RBPJ: variants seen among roughly 807,000 people sequenced by gnomAD.
RBPJ encodes the protein recombining binding protein suppressor of hairless.
A neutral mutation model predicts 67.8 loss-of-function variants in RBPJ; 9 were observed. The ratio of observed to expected loss-of-function variants is 0.13; its 90% CI spans 0.08 to 0.23. The LOEUF is 0.23. Ranked by LOEUF, RBPJ falls within the 10% of genes least tolerant of loss-of-function variation. The pLI, the probability that RBPJ is intolerant of heterozygous loss-of-function variation, is 1.00. For synonymous variants in RBPJ, 198 were observed against 203.3 expected (o/e 0.97, Z 0.22); for missense variants, 305 against 595.6 (o/e 0.51, Z 5.08).
chr4:26,423,371 AT>A (rs1303630517), intron 5 of RBPJ, among the ~76,000 whole-genome samples: 1 of 152,176 alleles, frequency 6.6e-6, no homozygotes, highest in Admixed American at 6.6e-5. Flanking sequence ...GTTTAGGAGG[AT>A]TCTTACTATA....
chr4:26,152,773 G>A, the RBPJ span, among the ~76,000 whole-genome samples: 3 of 152,200 alleles, frequency 2.0e-5, no homozygotes, highest in Non-Finnish European at 4.4e-5. Context: ...AGCTTGAGAA[G>A]TTGAAAAGAG....
the RBPJ span, among the ~76,000 whole-genome samples, chr4:26,114,543 T>G: frequency 0.097 from 13,948 of 144,386 alleles, 871 homozygotes; most frequent in Middle Eastern, 0.18. Flanking sequence ...GTAGACCTTA[T>G]GAGTATGCTA....
intron 1 of RBPJ, among the ~76,000 whole-genome samples, chr4:26,279,522 C>T (rs1420344254): frequency 2.0e-5 from 3 of 152,130 alleles, no homozygotes; most frequent in East Asian, 1.9e-4. Context: ...GTGATCCACC[C>T]GCCTCGGCCT....
chr4:26,208,737 C>A (rs568896552), intron 1 of RBPJ, among the ~76,000 whole-genome samples: 17 of 152,236 alleles, frequency 1.1e-4, no homozygotes, highest in South Asian at 2.1e-4. Flanking sequence ...TGAGCCTTCA[C>A]AAGACAATAT....
intron 1 of RBPJ, among the ~76,000 whole-genome samples, chr4:26,172,491 A>G (rs950419621): frequency 3.3e-5 from 5 of 152,186 alleles, no homozygotes; most frequent in African/African-American, 1.2e-4. Context: ...CCTGGGAATA[A>G]CTGTCATTTC....
intron 1 of RBPJ, among the ~76,000 whole-genome samples, chr4:26,273,317 C>T (rs181386074): frequency 2.0e-5 from 3 of 152,278 alleles, no homozygotes; most frequent in African/African-American, 4.8e-5. Flanking sequence ...AGGAAAATGG[C>T]ATTTAGGTTT....
intron 1 of RBPJ, among the ~76,000 whole-genome samples, chr4:26,314,587 T>C (rs1039149196): frequency 3.9e-5 from 6 of 152,214 alleles, no homozygotes; most frequent in Admixed American, 3.9e-4. Context: ...TTTAAAAGTA[T>C]GTGGCACCTC....
intron 1 of RBPJ, among the ~76,000 whole-genome samples, chr4:26,280,742 TA>T (rs922948604): frequency 4.3e-4 from 66 of 152,080 alleles, no homozygotes; most frequent in Non-Finnish European, 6.3e-4. Flanking sequence ...TACCACAACA[TA>T]AAAAAAATTT....
chr4:26,140,602 G>A, the RBPJ span, among the ~76,000 whole-genome samples: 3 of 151,012 alleles, frequency 2.0e-5, no homozygotes, highest in Non-Finnish European at 4.4e-5. Context: ...TACTGCCCTG[G>A]AAGCTCAAGC....
chr4:26,198,049 G>C (rs112045216), intron 1 of RBPJ, among the ~76,000 whole-genome samples: 24,713 of 152,098 alleles, frequency 0.16, 2,259 homozygotes, highest in Middle Eastern at 0.26. Flanking sequence ...CCTGAGGTCA[G>C]GAGTTCGAGA....
intron 1 of RBPJ, among the ~76,000 whole-genome samples, chr4:26,342,372 C>G (rs992665995): frequency 2.0e-5 from 3 of 151,558 alleles, no homozygotes; most frequent in African/African-American, 7.3e-5. Context: ...TCTTGTTTTA[C>G]AGAAACTTAA....
upstream of RBPJ, among the ~76,000 whole-genome samples, chr4:26,160,931 T>C (rs979236283): frequency 1.3e-5 from 2 of 152,192 alleles, no homozygotes; most frequent in Non-Finnish European, 2.9e-5. Flanking sequence ...TCTCCCACCA[T>C]GTTACATCAG....
At chr4:26,354,669 T>C (rs1727174529) in intron 1 of RBPJ, among the ~76,000 whole-genome samples, 2 of 152,084 alleles carry the variant, frequency 1.3e-5, no homozygotes. Context: ...AGGCTGGTCA[T>C]GAACTCCTGA....
intron 1 of RBPJ, among the ~76,000 whole-genome samples, chr4:26,353,854 T>C (rs112710541): frequency 0.019 from 2,944 of 152,038 alleles, 104 homozygotes; most frequent in African/African-American, 0.067. Context: ...TCAGGTGATC[T>C]GCCTGCCTTG....
At chr4:26,192,234 C>A (rs1028395196) in intron 1 of RBPJ, among the ~76,000 whole-genome samples, 3 of 152,150 alleles carry the variant, frequency 2.0e-5, no homozygotes, top group African/African-American at 7.2e-5. Context: ...GTCTTGAACT[C>A]CTGACCAAGT....
chr4:26,169,570 C>T (rs1716477341), intron 1 of RBPJ, among the ~76,000 whole-genome samples: 1 of 152,212 alleles, frequency 6.6e-6, no homozygotes, highest in Non-Finnish European at 1.5e-5. Flanking sequence ...AGATCTCCAG[C>T]TGCGTGCTGG....
chr4:26,138,554 T>TC, the RBPJ span, among the ~76,000 whole-genome samples: 1 of 152,066 alleles, frequency 6.6e-6, no homozygotes, highest in African/African-American at 2.4e-5. Flanking sequence ...CCACAGATAA[T>TC]CAAGAGTTGG....
chr4:26,315,167 A>AAAAAAAAATATATATAT (rs1325689348), upstream of RBPJ, among the ~76,000 whole-genome samples: 2 of 74,758 alleles, frequency 2.7e-5, no homozygotes, highest in African/African-American at 1.3e-4. Context: ...AAAAAAAAAA[A>AAAAAAAAATATATATAT]ATATATATAT....
chr4:26,146,793 G>T, the RBPJ span, among the ~76,000 whole-genome samples: 6 of 152,224 alleles, frequency 3.9e-5, no homozygotes, highest in African/African-American at 1.4e-4. Flanking sequence ...AGTCAGGAAA[G>T]AGATCTCTAC....
Sources: allele counts gnomAD v4.1 joint callset (sites outside exome capture counted in the v4.1 genomes callset), GRCh38; gene constraint gnomAD v4.1.1; transcripts MANE v1.5; gene names NCBI Gene and HGNC (gene_info 2026-07-23, HGNC 2026-07-21).